The following MGST1 variants were observed in gnomAD, a reference collection of about 807,000 sequenced individuals.
MGST1 encodes the protein microsomal glutathione S-transferase 1, also known as glutathione S-transferase 12.
Under a neutral mutation model 8.9 loss-of-function variants are expected in MGST1, and 5 were observed. That is an observed-to-expected ratio of 0.56 (90% CI 0.29 to 1.19). The LOEUF (loss-of-function observed/expected upper bound fraction) is 1.19, where lower values mean the gene tolerates loss of function less well. Ranked by LOEUF, MGST1 falls within the 50% of genes most tolerant of loss-of-function variation. MGST1 has a pLI of 0.08. For missense variants in MGST1, 182 were observed against 187.4 expected, an observed-to-expected ratio of 0.97 and a Z score of 0.17; for synonymous variants, 54 against 67.8, an observed-to-expected ratio of 0.80 and a Z score of 1.00.
downstream of MGST1, among the ~76,000 whole-genome samples, chr12:16,365,242 C>T (rs1038603451): frequency 3.6e-5 from 5 of 139,850 alleles, no homozygotes; most frequent in Non-Finnish European, 6.1e-5. Flanking sequence ...CTATGTAGCA[C>T]GTAAATCACA....
intron 1 of MGST1, among the ~76,000 whole-genome samples, chr12:16,403,070 C>T (rs1940672914): frequency 6.6e-6 from 1 of 151,296 alleles, no homozygotes; most frequent in African/African-American, 2.4e-5. Context: ...CATTTTTATC[C>T]TTGACTTAAT....
In MGST1 at chr12:16,582,339, A is replaced by G. The variant is rs896743693; in HGVS notation, n.483-7189A>G. 4.6e-5 allele frequency among the ~76,000 whole-genome samples: 7 copies of G among 152,182 alleles called. No individual in the cohort carries two copies. Among genetic ancestry groups the G allele is most frequent in the African/African-American group, 1.7e-4 (7 of 41,458 alleles). ...TAGAAAACATCTTACCTGTTCCTAT[A>G]GTATTATTCATTTTAGACAGTGACA... On this transcript the variant is annotated intron_variant and non_coding_transcript_variant, in intron 4 of 4. Transcript: ENST00000538857. This position sits in a 1 kb window ranked among gnomAD's most constrained non-coding sequence, Gnocchi z 4.1.
intron 1 of MGST1, chr12:16,399,148 C>G: frequency 1.0e-6 from 1 of 975,754 alleles, no homozygotes; most frequent in Non-Finnish European, 1.5e-6. Flanking sequence ...AAATGGCCCC[C>G]GAAACCCATA....
At chr12:16,465,291 G>A (rs577168432) in intron 4 of MGST1, among the ~76,000 whole-genome samples, 20 of 152,246 alleles carry the variant, frequency 1.3e-4, no homozygotes, top group African/African-American at 4.6e-4. Context: ...TAATTCTGAC[G>A]AACCTACATT....
downstream of MGST1, among the ~76,000 whole-genome samples, chr12:16,377,880 A>G (rs1940405965): frequency 1.3e-5 from 2 of 150,112 alleles, no homozygotes; most frequent in Non-Finnish European, 3.0e-5. Flanking sequence ...TTTGATTTGC[A>G]TTTCTCTGAT....
rs541439783 is a variant in MGST1, at chr12:16,400,550, C to G, written n.778+16946C>G. 15 of 886,542 alleles carry G rather than the reference C, an allele frequency of 1.7e-5. No homozygotes were observed. In the African/African-American group the frequency reaches 2.1e-4, roughly 13 times the overall value. 54.9% of individuals were successfully genotyped at this position (886,542 alleles called of 1,614,324 possible). A position where few individuals can be genotyped will look rare whatever the true frequency, so the allele number is the denominator to read the frequency against. Reference sequence around the variant, plus strand: ...CAAGTTTTATAACGTTTCTGTACTTCTTTAATAATTCGGAAAGCATTCTGA... The same window carrying G: ...CAAGTTTTATAACGTTTCTGTACTTGTTTAATAATTCGGAAAGCATTCTGA... On this transcript the variant is annotated intron_variant and non_coding_transcript_variant, in intron 1 of 1. Transcript: ENST00000359720.
Position 16,543,090 on chromosome 12 carries a change from C to T in MGST1, n.483-46438C>T, listed in dbSNP as rs1027294681. 7.9e-5 allele frequency among the ~76,000 whole-genome samples: 12 copies of T among 152,120 alleles called. No individual in the cohort carries two copies. In the South Asian group the frequency reaches 2.5e-3, roughly 32 times the overall value. On this transcript the variant is annotated intron_variant and non_coding_transcript_variant, in intron 4 of 4. Coordinates refer to the MGST1 transcript ENST00000538857. The stretch of plus-strand genomic sequence containing the variant: ...ACCTTCTGTGTTAACAGTTGTTTGC[C>T]TGTCTTCCTCAAGTGCAGGGACTCT...
At chr12:16,566,416 A>T (rs1942611909) in intron 4 of MGST1, among the ~76,000 whole-genome samples, 1 of 152,096 alleles carries the variant, frequency 6.6e-6, no homozygotes, top group Non-Finnish European at 1.5e-5. Context: ...TGTTTTCAAC[A>T]CACAAAAAAA....
intron 4 of MGST1, among the ~76,000 whole-genome samples, chr12:16,536,712 G>T (rs911518915): frequency 2.6e-5 from 4 of 152,120 alleles, no homozygotes; most frequent in African/African-American, 9.7e-5. Context: ...AAGAGAAAAT[G>T]AGGAAGATGC....
At chr12:16,436,879 A>G (rs1940991810) in intron 1 of MGST1, among the ~76,000 whole-genome samples, 1 of 152,060 alleles carries the variant, frequency 6.6e-6, no homozygotes. Flanking sequence ...AATGTTTCTC[A>G]AAGCACTGTG....
Position 16,546,224 on chromosome 12 carries a change from C to A in MGST1, n.483-43304C>A, listed in dbSNP as rs1941822905. Among the ~76,000 whole-genome samples, 1 of 152,104 alleles carries A rather than the reference C, an allele frequency of 6.6e-6. No homozygotes were observed. The highest frequency in any genetic ancestry group is 1.5e-5 in the Non-Finnish European group (1 of 67,988). ...TGTTTTGCTTTAGGTGATTTAAACT[C>A]TTCTCCAGGAGCAGGGTGAAAAAAG... On this transcript the variant is annotated intron_variant and non_coding_transcript_variant, in intron 4 of 4. Coordinates refer to the MGST1 transcript ENST00000538857. This position sits in a 1 kb window ranked among gnomAD's most constrained non-coding sequence, Gnocchi z 4.7.
At chr12:16,394,518 CTTTCTTTCTTTCTTTCTTTCTTTCTT>C (rs1565446392) in intron 1 of MGST1, among the ~76,000 whole-genome samples, 8,744 of 77,648 alleles carry the variant, frequency 0.11, 626 homozygotes, top group East Asian at 0.17. Flanking sequence ...CTCTCCCTTT[CTTTCTTTCTTTCTTTCTTTCTTTCTT>C]TCTTTCTTTC....
rs2137121948 is a variant in MGST1 at position 16,458,676 on chromosome 12, A to C, written n.482+75072A>C. Among the ~76,000 whole-genome samples the C allele has an allele frequency of 6.6e-6, 1 of 152,196 alleles. No individual in the cohort carries two copies. The highest frequency in any genetic ancestry group is 1.9e-4 in the East Asian group (1 of 5,158). On this transcript the variant is annotated intron_variant and non_coding_transcript_variant, in intron 4 of 4. Coordinates refer to the MGST1 transcript ENST00000538857. This position sits in a 1 kb window ranked among gnomAD's most constrained non-coding sequence, Gnocchi z 4.0. Reference sequence around the variant, plus strand: ...TGGAATATCAGTAGGTAGGCAGTTGAGTATTTATATGAGAGTTATTGTGAC... The same window carrying C: ...TGGAATATCAGTAGGTAGGCAGTTGCGTATTTATATGAGAGTTATTGTGAC...
At chr12:16,495,527 T>C (rs1433336094) in intron 4 of MGST1, among the ~76,000 whole-genome samples, 1 of 152,102 alleles carries the variant, frequency 6.6e-6, no homozygotes, top group Admixed American at 6.6e-5. Context: ...TGCAAGGTGA[T>C]TTGGAACTTT....
intron 1 of MGST1, chr12:16,400,113 C>G: frequency 6.4e-7 from 1 of 1,555,964 alleles, no homozygotes. Flanking sequence ...GTTTGTGCCT[C>G]ATTTCTCGTT....
At chr12:16,400,461 G>GT (rs1940644862) in intron 1 of MGST1, 1 of 799,752 alleles carries the variant, frequency 1.3e-6, no homozygotes, top group East Asian at 2.4e-5. Flanking sequence ...AATTACTCCA[G>GT]TTTAGATTGA....
chr12:16,400,570 T>C (rs890672732), intron 1 of MGST1: 4 of 925,412 alleles, frequency 4.3e-6, no homozygotes, highest in Non-Finnish European at 7.2e-6. Flanking sequence ...TCGGAAAGCA[T>C]TCTGAAGGTT....
At chr12:16,481,571 A>AATTTATAAT (rs1565462389) in intron 4 of MGST1, among the ~76,000 whole-genome samples, 1 of 152,212 alleles carries the variant, frequency 6.6e-6, no homozygotes. Flanking sequence ...ATTCAAACAA[A>AATTTATAAT]ATTTATAATA....
At chr12:16,405,283 A>G (rs1193568401) in intron 1 of MGST1, among the ~76,000 whole-genome samples, 1 of 152,062 alleles carries the variant, frequency 6.6e-6, no homozygotes, top group Non-Finnish European at 1.5e-5. Context: ...ATAAACCTCT[A>G]TGCACCCCTA....
Sources: allele counts gnomAD v4.1 joint callset (sites outside exome capture counted in the v4.1 genomes callset), GRCh38; gene constraint gnomAD v4.1.1; non-coding constraint Gnocchi (gnomAD v3.1); transcripts MANE v1.5; gene names NCBI Gene and HGNC (gene_info 2026-07-23, HGNC 2026-07-21).